RHBDD1: variants seen among roughly 807,000 people sequenced by gnomAD.
RHBDD1 encodes the protein rhomboid-related protein 4.
RHBDD1 carries 38 observed loss-of-function variants against 36.3 expected under a neutral mutation model. The observed-to-expected ratio is 1.05, with a 90% CI of 0.81 to 1.37. The LOEUF is 1.37. Ranked by LOEUF, RHBDD1 falls within the 40% of genes most tolerant of loss-of-function variation. RHBDD1 has a pLI of 0.00. For missense variants in RHBDD1, 393 were observed against 377.6 expected, an observed-to-expected ratio of 1.04 and a Z score of -0.34; for synonymous variants, 151 against 136.5, an observed-to-expected ratio of 1.11 and a Z score of -0.74.
intron 5 of RHBDD1, among the ~76,000 whole-genome samples, chr2:226,884,334 A>C (rs1437446022): frequency 1.3e-5 from 2 of 152,128 alleles, no homozygotes; most frequent in Non-Finnish European, 2.9e-5. Flanking sequence ...ATGAGTTGAA[A>C]TCATTAGTAC....
chr2:226,861,467 C>G (rs1943845561), intron 3 of RHBDD1, among the ~76,000 whole-genome samples: 1 of 152,212 alleles, frequency 6.6e-6, no homozygotes, highest in East Asian at 1.9e-4. Context: ...ACTGGGAATT[C>G]TGTCCTTTTA....
upstream of RHBDD1, among the ~76,000 whole-genome samples, chr2:226,832,044 A>T: frequency 6.9e-6 from 1 of 145,248 alleles, no homozygotes; most frequent in Admixed American, 6.9e-5. Context: ...TATGATCATT[A>T]TTTCCTCCCT....
At chr2:226,922,461 C>T (rs1949395096) in intron 8 of RHBDD1, among the ~76,000 whole-genome samples, 1 of 152,086 alleles carries the variant, frequency 6.6e-6, no homozygotes, top group African/African-American at 2.4e-5. Flanking sequence ...CCCACCTCGG[C>T]CTCCCAAAGG....
intron 8 of RHBDD1, among the ~76,000 whole-genome samples, chr2:226,987,977 C>G (rs2149523244): frequency 6.6e-6 from 1 of 152,260 alleles, no homozygotes; most frequent in Non-Finnish European, 1.5e-5. Context: ...TTGATGGAAA[C>G]TTCTGTGCAT....
At chr2:226,811,684 T>C in the RHBDD1 span, among the ~76,000 whole-genome samples, 4 of 152,210 alleles carry the variant, frequency 2.6e-5, no homozygotes, top group Admixed American at 2.6e-4. Flanking sequence ...CTCCTTGAAA[T>C]TTGAGGGGAA....
At chr2:226,927,146 C>G (rs115116792) in intron 8 of RHBDD1, among the ~76,000 whole-genome samples, 1 of 152,100 alleles carries the variant, frequency 6.6e-6, no homozygotes, top group Admixed American at 6.6e-5. Context: ...CTGTTCTCTT[C>G]TCCATCTCCT....
intron 8 of RHBDD1, among the ~76,000 whole-genome samples, chr2:226,984,474 T>C (rs1956485811): frequency 6.6e-6 from 1 of 152,182 alleles, no homozygotes; most frequent in Non-Finnish European, 1.5e-5. Flanking sequence ...TCCACCCTCA[T>C]GTCCTCATGT....
At chr2:226,867,391 G>A (rs1333043743) in intron 5 of RHBDD1, 73 bp downstream of exon 5, 10 of 1,466,918 alleles carry the variant, frequency 6.8e-6, no homozygotes, top group Non-Finnish European at 9.3e-6. Context: ...CAATAATAAT[G>A]AGGTAACCAA....
At chr2:226,891,926 C>T (rs1356102392) in intron 5 of RHBDD1, among the ~76,000 whole-genome samples, 1 of 152,144 alleles carries the variant, frequency 6.6e-6, no homozygotes, top group Non-Finnish European at 1.5e-5. Flanking sequence ...ATCTGATTGG[C>T]CAGTGCAGGT....
intron 5 of RHBDD1, among the ~76,000 whole-genome samples, chr2:226,886,135 A>G (rs922323755): frequency 2.0e-5 from 3 of 152,246 alleles, no homozygotes; most frequent in African/African-American, 7.2e-5. Context: ...GGGGACTACC[A>G]TAGCACCCTA....
At chr2:226,902,372 C>A (rs1947667449) in intron 5 of RHBDD1, among the ~76,000 whole-genome samples, 1 of 152,182 alleles carries the variant, frequency 6.6e-6, no homozygotes, top group Non-Finnish European at 1.5e-5. Flanking sequence ...CTCCACAGCA[C>A]CCCCAGCTCA....
intron 8 of RHBDD1, among the ~76,000 whole-genome samples, chr2:226,958,631 G>A (rs1263416318): frequency 6.6e-6 from 1 of 151,812 alleles, no homozygotes; most frequent in Non-Finnish European, 1.5e-5. Context: ...CCTAATAATA[G>A]AGGAGAAAAA....
At chr2:226,842,839 A>G (rs1941809363) in intron 3 of RHBDD1, among the ~76,000 whole-genome samples, 1 of 152,226 alleles carries the variant, frequency 6.6e-6, no homozygotes, top group African/African-American at 2.4e-5. Flanking sequence ...TAATGGGAAT[A>G]GCATTAAATC....
chr2:226,856,958 A>G (rs1943389009), intron 3 of RHBDD1, among the ~76,000 whole-genome samples: 2 of 152,126 alleles, frequency 1.3e-5, no homozygotes, highest in Admixed American at 1.3e-4. Flanking sequence ...CCCTTCCAAC[A>G]TGTTATATCA....
chr2:226,822,853 C>T, the RHBDD1 span, among the ~76,000 whole-genome samples: 3 of 151,964 alleles, frequency 2.0e-5, no homozygotes, highest in Non-Finnish European at 2.9e-5. Flanking sequence ...GGGCCAGGCG[C>T]GGAGGCTTAC....
At position 226,995,723 on chromosome 2, in the gene RHBDD1, C is replaced by A; in HGVS notation, c.*201C>A. On this transcript the variant is annotated 3_prime_UTR_variant, in exon 9 of 9. Coordinates refer to ENST00000392062, the MANE Select transcript of RHBDD1 (RefSeq NM_001167608.3). ...TTGCGGGGAGTGGGCCTTCTCCTGG[C>A]CTTGTTCTTGCTCATAAACAGGTCA... The A allele has an allele frequency of 1.7e-6, 1 of 588,338 alleles. No homozygotes were observed. Among genetic ancestry groups the A allele is most frequent in the Non-Finnish European group, 3.0e-6 (1 of 330,910 alleles). 36.4% of individuals were successfully genotyped at this position (588,338 alleles called of 1,614,324 possible).
At position 226,997,355 on chromosome 2, in the gene RHBDD1, C is replaced by T. The variant is rs2149637880; in HGVS notation, c.*1833C>T. ...GAAGTAACTTCTTTGTTTCATGCCA[C>T]TTTTATAGCATTTGGTAATTCTGCT... On this transcript the variant is annotated 3_prime_UTR_variant, in exon 9 of 9. Transcript: ENST00000392062. 6.6e-6 allele frequency: 1 copy of T among 152,332 alleles called. No homozygotes were observed. 9.4% of individuals were successfully genotyped at this position (152,332 alleles called of 1,614,324 possible). A position where few individuals can be genotyped will look rare whatever the true frequency, so the allele number is the denominator to read the frequency against.
At chr2:226,932,459 A>G (rs886490005) in intron 8 of RHBDD1, among the ~76,000 whole-genome samples, 11 of 152,178 alleles carry the variant, frequency 7.2e-5, no homozygotes, top group South Asian at 2.1e-4. Flanking sequence ...TATTGTTGCA[A>G]TAGTTACTCT....
chr2:226,982,405 G>T (rs1456295209), intron 8 of RHBDD1, among the ~76,000 whole-genome samples: 1 of 152,158 alleles, frequency 6.6e-6, no homozygotes, highest in Admixed American at 6.6e-5. Flanking sequence ...ATTGATATTG[G>T]TATTTCTGGA....
Sources: gnomAD v4.1 joint callset for allele counts (sites outside exome capture counted in the v4.1 genomes callset) on GRCh38, gnomAD v4.1.1 for gene constraint, MANE v1.5 for transcripts, NCBI Gene and HGNC (gene_info 2026-07-23, HGNC 2026-07-21) for gene names.